The following NKAIN3 variants were observed in gnomAD, a reference collection of about 807,000 sequenced individuals.
NKAIN3 encodes the protein sodium/potassium-transporting ATPase subunit beta-1-interacting protein 3.
NKAIN3 carries 25 observed loss-of-function variants against 30.2 expected under a neutral mutation model. The ratio of observed to expected loss-of-function variants is 0.83; its 90% CI spans 0.60 to 1.16. NKAIN3 has a LOEUF of 1.16. NKAIN3 is among the 50% of genes most tolerant of loss of function. NKAIN3 has a pLI of 0.00. For synonymous variants in NKAIN3, 91 were observed against 89.6 expected, an observed-to-expected ratio of 1.02 and a Z score of -0.09; for missense variants, 225 against 254.1, an observed-to-expected ratio of 0.89 and a Z score of 0.78.
intron 4 of NKAIN3, among the ~76,000 whole-genome samples, chr8:62,900,889 G>A (rs1821593925): frequency 6.6e-6 from 1 of 152,192 alleles, no homozygotes; most frequent in South Asian, 2.1e-4. Flanking sequence ...GGTGAGTGTT[G>A]GAACCCAGGA....
At chr8:62,695,926 AAAATGAATGGTCCC>A (rs1477945213) in intron 3 of NKAIN3, among the ~76,000 whole-genome samples, 1 of 152,222 alleles carries the variant, frequency 6.6e-6, no homozygotes, top group Non-Finnish European at 1.5e-5. Flanking sequence ...TCTGCACCTT[AAAATGAATGGTCCC>A]AAATGAAGGA....
At chr8:62,819,526 G>A (rs1818789501) in intron 4 of NKAIN3, among the ~76,000 whole-genome samples, 1 of 152,008 alleles carries the variant, frequency 6.6e-6, no homozygotes, top group Non-Finnish European at 1.5e-5. Context: ...CTGAGTCATA[G>A]ATAGCATTGA....
intron 4 of NKAIN3, chr8:62,863,693 G>C: frequency 6.9e-7 from 1 of 1,453,630 alleles, no homozygotes; most frequent in Non-Finnish European, 9.7e-7. Context: ...ATCCAAGGCT[G>C]TGTCTGTATC....
At chr8:62,401,020 A>ACT (rs71255334) in intron 1 of NKAIN3, among the ~76,000 whole-genome samples, 1 of 149,456 alleles carries the variant, frequency 6.7e-6, no homozygotes, top group African/African-American at 2.4e-5. Flanking sequence ...CCTTTCTCTC[A>ACT]CTCTCTCTCT....
chr8:62,329,462 C>T (rs369690687), intron 1 of NKAIN3, among the ~76,000 whole-genome samples: 37 of 152,214 alleles, frequency 2.4e-4, no homozygotes, highest in Middle Eastern at 3.4e-3. Context: ...GAATCGTACC[C>T]AACAGGAGTT....
chr8:62,418,037 G>A (rs540573402), intron 1 of NKAIN3, among the ~76,000 whole-genome samples: 2 of 152,208 alleles, frequency 1.3e-5, no homozygotes, highest in South Asian at 2.1e-4. Flanking sequence ...TTCATCCAAA[G>A]CAAGTGCTTC....
chr8:62,817,548 C>G (rs1407324136), intron 4 of NKAIN3, among the ~76,000 whole-genome samples: 1 of 152,102 alleles, frequency 6.6e-6, no homozygotes, highest in Non-Finnish European at 1.5e-5. Flanking sequence ...TTTCAGAGCT[C>G]TCTGCCTCTG....
intron 4 of NKAIN3, among the ~76,000 whole-genome samples, chr8:62,767,829 G>T (rs990283581): frequency 4.7e-4 from 72 of 151,752 alleles, no homozygotes; most frequent in African/African-American, 1.7e-3. Context: ...AGTATAGAAT[G>T]CACACTAGAT....
At chr8:62,888,472 T>C (rs1821210315) in intron 4 of NKAIN3, among the ~76,000 whole-genome samples, 1 of 152,202 alleles carries the variant, frequency 6.6e-6, no homozygotes, top group South Asian at 2.1e-4. Flanking sequence ...TCCAAAGTTT[T>C]CTACCCGGTT....
chr8:62,605,670 C>T (rs1811103245), intron 3 of NKAIN3, among the ~76,000 whole-genome samples: 1 of 151,986 alleles, frequency 6.6e-6, no homozygotes, highest in African/African-American at 2.4e-5. Context: ...TATCTATTTA[C>T]ATAGTATTTA....
At position 62,699,511 on chromosome 8, in the gene NKAIN3, T is replaced by C. The variant is rs1814265574; in HGVS notation, c.274-47421T>C. On this transcript the variant is annotated intron_variant, in intron 3 of 6. Coordinates refer to ENST00000623646, the MANE Select transcript of NKAIN3 (RefSeq NM_001304533.3). ...TAATTGGACAAACTTGCATATTGAA[T>C]GCTTCTAAATATCTGCTTCTCTTCC... 2.0e-5 allele frequency among the ~76,000 whole-genome samples: 3 copies of C among 152,360 alleles called. No homozygotes were observed. The South Asian group carries it at 6.2e-4, about 32-fold the overall frequency.
At chr8:62,396,511 C>T (rs1386976604) in intron 1 of NKAIN3, among the ~76,000 whole-genome samples, 3 of 152,154 alleles carry the variant, frequency 2.0e-5, no homozygotes, top group Non-Finnish European at 4.4e-5. Context: ...CAAGGTATTT[C>T]CTGGGCACTC....
chr8:62,859,508 T>TCAAAAAAAAAAAAAAA (rs1820172970), intron 4 of NKAIN3, among the ~76,000 whole-genome samples: 1 of 60,442 alleles, frequency 1.7e-5, no homozygotes, highest in African/African-American at 5.6e-5. Context: ...TTACTTCAAC[T>TCAAAAAAAAAAAAAAA]AAAAAAAAAA....
chr8:62,416,475 A>C (rs986697305), intron 1 of NKAIN3, among the ~76,000 whole-genome samples: 1 of 152,186 alleles, frequency 6.6e-6, no homozygotes, highest in African/African-American at 2.4e-5. Flanking sequence ...CCCAGACAGC[A>C]GAGCTTAACA....
chr8:62,251,173 T>C (rs1812089201), intron 1 of NKAIN3, among the ~76,000 whole-genome samples: 1 of 152,182 alleles, frequency 6.6e-6, no homozygotes, highest in Non-Finnish European at 1.5e-5. Context: ...TTTCATTTGT[T>C]TGCAGGTGAG....
chr8:62,640,411 T>C (rs1359133771), intron 3 of NKAIN3, among the ~76,000 whole-genome samples: 1 of 152,102 alleles, frequency 6.6e-6, no homozygotes, highest in East Asian at 1.9e-4. Flanking sequence ...TCTGCCATGA[T>C]TGTAAGTTTC....
At chr8:62,989,729 A>G (rs1824280311), downstream of NKAIN3, among the ~76,000 whole-genome samples, 3 of 152,226 alleles carry the variant, frequency 2.0e-5, no homozygotes, top group Non-Finnish European at 4.4e-5. Flanking sequence ...ATGTATATAT[A>G]TAATTATTGA....
chr8:62,411,665 A>T (rs553387584), intron 1 of NKAIN3, among the ~76,000 whole-genome samples: 1 of 152,178 alleles, frequency 6.6e-6, no homozygotes, highest in Non-Finnish European at 1.5e-5. Context: ...CCTTAAGATG[A>T]TGTCAAGAGA....
At chr8:62,517,556 A>G (rs760130479) in intron 1 of NKAIN3, among the ~76,000 whole-genome samples, 1 of 152,146 alleles carries the variant, frequency 6.6e-6, no homozygotes, top group Non-Finnish European at 1.5e-5. Context: ...ACTTCCACTC[A>G]TAGACCATTA....
Sources: gnomAD v4.1 joint callset for allele counts (sites outside exome capture counted in the v4.1 genomes callset) on GRCh38, gnomAD v4.1.1 for gene constraint, MANE v1.5 for transcripts, NCBI Gene and HGNC (gene_info 2026-07-23, HGNC 2026-07-21) for gene names.